Variants in LDLRAD4 observed in about 807,000 individuals in gnomAD.
LDLRAD4 encodes low density lipoprotein receptor class A domain containing 4.
Under a neutral mutation model 17.0 loss-of-function variants are expected in LDLRAD4, and 5 were observed. The ratio of observed to expected loss-of-function variants is 0.29; its 90% CI spans 0.15 to 0.62. The LOEUF (loss-of-function observed/expected upper bound fraction) is 0.62. LDLRAD4 is among the 20% of genes least tolerant of loss of function. The pLI is 0.84. For synonymous variants in LDLRAD4, 168 were observed against 171.8 expected (o/e 0.98, Z 0.17); for missense variants, 340 against 424.7 (o/e 0.80, Z 1.75).
In LDLRAD4 at chr18:13,343,010, T is replaced by C. The variant is rs528496380; in HGVS notation, c.-382-44331T>C. On this transcript the variant is annotated intron_variant, in intron 1 of 5. Transcript: ENST00000359446. ...TTCCCTTCTCATGTACTTTTGTGTA[T>C]AGTCTGTAGATTTTTTTTTGTGGTT... is the stretch of plus-strand genomic sequence containing the variant. Among the ~76,000 whole-genome samples, 255 of 152,222 alleles carry C rather than the reference T, an allele frequency of 1.7e-3. 2 individuals carry two copies. The highest frequency in any genetic ancestry group is 5.9e-3 in the African/African-American group (244 of 41,550).
intron 2 of LDLRAD4, among the ~76,000 whole-genome samples, chr18:13,430,812 G>A (rs1375793991): frequency 1.3e-5 from 2 of 152,112 alleles, no homozygotes; most frequent in African/African-American, 4.8e-5. Flanking sequence ...GGCTCCCTAG[G>A]CCCCCCAGCC....
intron 3 of LDLRAD4, among the ~76,000 whole-genome samples, chr18:13,588,235 A>G (rs1302645110): frequency 1.3e-5 from 2 of 152,198 alleles, no homozygotes; most frequent in Non-Finnish European, 2.9e-5. Flanking sequence ...GTGCGTGGGT[A>G]AGGGGCCTGT....
chr18:13,365,837 G>C (rs966488947), intron 1 of LDLRAD4, among the ~76,000 whole-genome samples: 9 of 150,322 alleles, frequency 6.0e-5, no homozygotes, highest in African/African-American at 2.2e-4. Flanking sequence ...GCAATGGCAC[G>C]ATCTTGGCTC....
chr18:13,222,723 A>G (rs981423600), intron 1 of LDLRAD4, among the ~76,000 whole-genome samples: 2 of 152,168 alleles, frequency 1.3e-5, no homozygotes, highest in African/African-American at 4.8e-5. Flanking sequence ...GAATCCAAGG[A>G]GCAACTCTGT....
chr18:13,382,620 TGTGTGTGCGTGTGTGTGC>T (rs1291376653), intron 1 of LDLRAD4: 1 of 145,700 alleles, frequency 6.9e-6, no homozygotes, highest in African/African-American at 2.4e-5. Flanking sequence ...TGTGTGCGTG[TGTGTGTGCGTGTGTGTGC>T]GTGTGTGCAT....
At chr18:13,641,971 C>G (rs2042601928) in intron 4 of LDLRAD4, 2 of 985,348 alleles carry the variant, frequency 2.0e-6, no homozygotes, top group East Asian at 2.3e-4. Context: ...CGGGCCCAGC[C>G]TGGGCCCTGG....
chr18:13,376,416 C>T (rs1210486363), intron 1 of LDLRAD4, among the ~76,000 whole-genome samples: 1 of 152,204 alleles, frequency 6.6e-6, no homozygotes, highest in Non-Finnish European at 1.5e-5. Flanking sequence ...TGAACAGCGG[C>T]GTCAGCTGCC....
chr18:13,253,075 C>T (rs1411108862), intron 1 of LDLRAD4, among the ~76,000 whole-genome samples: 6 of 152,198 alleles, frequency 3.9e-5, no homozygotes, highest in Admixed American at 6.5e-5. Flanking sequence ...CTCCCAAGTG[C>T]CAGTGATATT....
intron 3 of LDLRAD4, chr18:13,472,380 G>A (rs1052610233): frequency 2.0e-5 from 3 of 152,234 alleles, no homozygotes; most frequent in African/African-American, 7.2e-5. Flanking sequence ...TTTAAGCTTT[G>A]ATTTCAGATA....
At chr18:13,253,790 G>A (rs957230032) in intron 1 of LDLRAD4, among the ~76,000 whole-genome samples, 1 of 152,230 alleles carries the variant, frequency 6.6e-6, no homozygotes, top group African/African-American at 2.4e-5. Flanking sequence ...GGCACAGGTT[G>A]TATTCACCCT....
intron 3 of LDLRAD4, among the ~76,000 whole-genome samples, chr18:13,456,654 C>T (rs1383374947): frequency 1.3e-5 from 2 of 152,160 alleles, no homozygotes; most frequent in African/African-American, 4.8e-5. Flanking sequence ...CATGTGCATG[C>T]ACATATACAC....
At chr18:13,546,531 G>A (rs368964708) in intron 3 of LDLRAD4, among the ~76,000 whole-genome samples, 1 of 151,902 alleles carries the variant, frequency 6.6e-6, no homozygotes, top group East Asian at 1.9e-4. Context: ...ACCATGCCTG[G>A]CTAATTTTTG....
rs71366054 is a variant in LDLRAD4, at chr18:13,473,636, C to CATATATAT, written c.181+35288_181+35295dup. Among the ~76,000 whole-genome samples, 52 of 28,748 alleles carry CATATATAT rather than the reference C, an allele frequency of 1.8e-3. 1 individual carries two copies. Among genetic ancestry groups the CATATATAT allele is most frequent in the Admixed American group, 2.6e-3 (5 of 1,946 alleles). 18.9% of individuals were successfully genotyped at this position (28,748 alleles called of 152,430 possible). ...TGGGCAGCACAGTAAGATCCCATCTCATATATATATATATATATATATATA... is the reference window on the plus strand; with the variant it reads ...TGGGCAGCACAGTAAGATCCCATCTCATATATATATATATATATATATATATATATATA... On this transcript the variant is annotated intron_variant, in intron 3 of 5. Transcript: ENST00000359446.
At chr18:13,262,425 T>C (rs199713055) in intron 1 of LDLRAD4, among the ~76,000 whole-genome samples, 1,649 of 33,314 alleles carry the variant, frequency 0.049, 17 homozygotes, top group South Asian at 0.097. Context: ...GAGTCCCGTG[T>C]GGCCCTGTGC....
At chr18:13,419,941 G>A (rs2089293512) in intron 2 of LDLRAD4, 1 of 152,214 alleles carries the variant, frequency 6.6e-6, no homozygotes, top group Non-Finnish European at 1.5e-5. Flanking sequence ...AGCTATGGGT[G>A]AGGAGAGGAC....
At chr18:13,564,115 A>G (rs1417554171) in intron 3 of LDLRAD4, among the ~76,000 whole-genome samples, 1 of 152,196 alleles carries the variant, frequency 6.6e-6, no homozygotes, top group African/African-American at 2.4e-5. Flanking sequence ...TTTGTTGCCC[A>G]GGCTAGTCTT....
Position 13,429,522 on chromosome 18 carries a change from G to A in LDLRAD4, c.41-8722G>A, listed in dbSNP as rs373228716. On this transcript the variant is annotated intron_variant, in intron 2 of 5. Transcript: ENST00000359446. ...TTTTAAAGTTACCTGTCATTTGAAT[G>A]TTCATTGGAATAATTCAGAGCAGGC... 3.0e-4 allele frequency among the ~76,000 whole-genome samples: 45 copies of A among 152,344 alleles called. No individual in the cohort carries two copies. The East Asian group carries it at 5.8e-3, about 20-fold the overall frequency.
chr18:13,511,381 G>A (rs924206474), intron 3 of LDLRAD4, among the ~76,000 whole-genome samples: 3 of 152,144 alleles, frequency 2.0e-5, no homozygotes, highest in Admixed American at 6.5e-5. Context: ...GCATGGTCTC[G>A]CACACCTGTA....
intron 1 of LDLRAD4, among the ~76,000 whole-genome samples, chr18:13,268,173 G>A (rs59659593): frequency 0.017 from 2,584 of 152,148 alleles, 85 homozygotes; most frequent in African/African-American, 0.059. Context: ...TGTTCCTGTC[G>A]ATGGACTGCA....
Sources: allele counts gnomAD v4.1 joint callset (sites outside exome capture counted in the v4.1 genomes callset), GRCh38; gene constraint gnomAD v4.1.1; transcripts MANE v1.5; gene names NCBI Gene and HGNC (gene_info 2026-07-23, HGNC 2026-07-21).